ABCC2: variants seen among roughly 807,000 people sequenced by gnomAD.
ABCC2 encodes the protein ATP-binding cassette sub-family C member 2.
ABCC2 carries 157 observed loss-of-function variants against 173.4 expected under a neutral mutation model. The ratio of observed to expected loss-of-function variants is 0.91; its 90% CI spans 0.80 to 1.03. The LOEUF (loss-of-function observed/expected upper bound fraction) is 1.03, where lower values mean the gene tolerates loss of function less well. ABCC2 is among the 50% of genes least tolerant of loss of function. The probability of loss-of-function intolerance (pLI) is 0.00; values close to 1 mark genes in which losing one functional copy is unlikely to be tolerated. For synonymous variants in ABCC2, 657 were observed against 693.5 expected (o/e 0.95, Z 0.83); for missense variants, 1,822 against 1,852.3 (o/e 0.98, Z 0.30).
chr10:99,850,802 T>C lies in ABCC2; in HGVS notation c.4508+6T>C, dbSNP rs766426423. ...ACCATCATGGACAGTGACAAGTGAG[T>C]GTAGGGGGACAGGGCTTGACACGGA... is the stretch of plus-strand genomic sequence containing the variant. On this transcript the variant is annotated splice_donor_region_variant and intron_variant, in intron 31 of 31. Transcript: ENST00000647814. 1.1e-5 allele frequency: 18 copies of C among 1,613,786 alleles called. No individual in the cohort carries two copies. Among genetic ancestry groups the C allele is most frequent in the Middle Eastern group, 3.3e-4 (2 of 6,084 alleles).
chr10:99,789,721 A>G (rs1317178216), intron 2 of ABCC2, among the ~76,000 whole-genome samples: 1 of 148,626 alleles, frequency 6.7e-6, no homozygotes, highest in Non-Finnish European at 1.5e-5. Flanking sequence ...AAAAAAAAAA[A>G]AAAAAGAAAA....
Position 99,836,147 on chromosome 10 carries a change from C to CAGGT in ABCC2, c.3471_3472insAGGT (p.Pro1158ArgfsTer21), listed in dbSNP as rs2038818718. 6.2e-7 allele frequency: 1 copy of CAGGT among 1,614,146 alleles called. No individual in the cohort carries two copies. Among genetic ancestry groups the CAGGT allele is most frequent in the Non-Finnish European group, 8.5e-7 (1 of 1,180,026 alleles). On this transcript the variant is annotated frameshift_variant, in exon 25 of 32. Transcript: ENST00000647814. LOFTEE classifies it high-confidence loss of function. ...GGCGTCTGGACTCTGTCACCAGGTC[C>CAGGT]CCAATCTACTCTCACTTCAGCGAGA...
At chr10:99,806,077 C>CTCTCTGTGTGTGTGTGTGTGTGTG (rs10644836) in intron 11 of ABCC2, among the ~76,000 whole-genome samples, 3 of 148,044 alleles carry the variant, frequency 2.0e-5, no homozygotes, top group African/African-American at 7.6e-5. Context: ...CTCTCTCTGT[C>CTCTCTGTGTGTGTGTGTGTGTGTG]TGTGTGTGTG....
At position 99,804,209 on chromosome 10, in the gene ABCC2, T is replaced by C; in HGVS notation, c.1400T>C (p.Val467Ala). 6.2e-7 allele frequency: 1 copy of C among 1,614,108 alleles called. No individual in the cohort carries two copies. Among genetic ancestry groups the C allele is most frequent in the Non-Finnish European group, 8.5e-7 (1 of 1,180,010 alleles). Residue 467 changes from valine (V) to alanine (A), a missense_variant, in exon 10 of 32, where the codon GTT (valine) becomes GCT (alanine). Transcript: ENST00000647814. ...RELGPSVLAG[V>A]GVMVLVIPIN... Reference sequence around the variant, plus strand: ...TTGGGACCCTCAGTCTTAGCAGGTGTTGGGGTGATGGTGCTTGTAATCCCA... The same window carrying C: ...TTGGGACCCTCAGTCTTAGCAGGTGCTGGGGTGATGGTGCTTGTAATCCCA...
At chr10:99,814,216 T>TGC (rs1491226179) in intron 16 of ABCC2, among the ~76,000 whole-genome samples, 12 of 74,356 alleles carry the variant, frequency 1.6e-4, no homozygotes, top group African/African-American at 4.2e-4. Context: ...CACACATGTG[T>TGC]ATATATACAC....
intron 6 of ABCC2, among the ~76,000 whole-genome samples, chr10:99,795,973 C>G (rs1307768175): frequency 2.0e-5 from 3 of 152,182 alleles, no homozygotes; most frequent in Admixed American, 2.0e-4. Context: ...TCACTGAACT[C>G]CAGCCTGGGC....
chr10:99,851,118 T>G (rs2039083160), intron 31 of ABCC2, among the ~76,000 whole-genome samples: 2 of 152,234 alleles, frequency 1.3e-5, no homozygotes, highest in African/African-American at 4.8e-5. Context: ...GTCCTGAGCC[T>G]CAGCTGCTGC....
chr10:99,800,693 C>A, intron 9 of ABCC2, 130 bp downstream of exon 9: 1 of 1,047,846 alleles, frequency 9.5e-7, no homozygotes, highest in Non-Finnish European at 1.4e-6. Context: ...GGCCATACAG[C>A]CTCCTTTAGA....
intron 1 of ABCC2, among the ~76,000 whole-genome samples, chr10:99,783,332 T>C (rs1173538610): frequency 6.6e-6 from 1 of 152,228 alleles, no homozygotes; most frequent in Non-Finnish European, 1.5e-5. Context: ...GATGCAACTT[T>C]GGGCATCATG....
At chr10:99,842,741 C>T (rs576280006) in intron 26 of ABCC2, among the ~76,000 whole-genome samples, 4 of 152,134 alleles carry the variant, frequency 2.6e-5, no homozygotes, top group Non-Finnish European at 5.9e-5. Context: ...TATAATAGTG[C>T]TGTCTTCATT....
chr10:99,816,029 C>G (rs1473454308), intron 16 of ABCC2, among the ~76,000 whole-genome samples: 1 of 148,018 alleles, frequency 6.8e-6, no homozygotes, highest in Non-Finnish European at 1.5e-5. Flanking sequence ...AGTGCAGTGG[C>G]GTGATCTCGG....
In ABCC2 at chr10:99,832,632, G is replaced by C. The variant is rs78160693; in HGVS notation, c.3258+501G>C. ...ACAGCCTGGGACAGGAAATACAAGA[G>C]ATAGTAGGATAACCCTTTGCTTGGC... On this transcript the variant is annotated intron_variant, in intron 23 of 31. Coordinates refer to ENST00000647814, the MANE Select transcript of ABCC2 (RefSeq NM_000392.5). 5.2e-3 allele frequency among the ~76,000 whole-genome samples: 793 copies of C among 152,336 alleles called. 20 individuals carry two copies. Among genetic ancestry groups the C allele is most frequent in the East Asian group, 0.031 (161 of 5,192 alleles).
chr10:99,784,584 C>A (rs930787393), intron 1 of ABCC2, 24 bp from the exon 2 acceptor site: 7 of 1,613,018 alleles, frequency 4.3e-6, no homozygotes, highest in African/African-American at 1.3e-5. Flanking sequence ...ATGTATGCAA[C>A]AATCCTTCCC....
chr10:99,793,880 T>A lies in ABCC2; in HGVS notation c.469-12T>A. 6.2e-7 allele frequency: 1 copy of A among 1,609,516 alleles called. No individual in the cohort carries two copies. Among genetic ancestry groups the A allele is most frequent in the Admixed American group, 1.7e-5 (1 of 60,006 alleles). On this transcript the variant is annotated splice_polypyrimidine_tract_variant and intron_variant, in intron 4 of 31. Transcript: ENST00000647814. Reference sequence around the variant, plus strand: ...AAAGGCTCATTTTTCCTCTTTGTTTTTTTCCTCATAGGGTGACAATTCTAA... The same window carrying A: ...AAAGGCTCATTTTTCCTCTTTGTTTATTTCCTCATAGGGTGACAATTCTAA...
chr10:99,799,177 G>A (rs1379318432), intron 7 of ABCC2, 30 bp from the exon 8 acceptor site: 1 of 1,613,184 alleles, frequency 6.2e-7, no homozygotes, highest in Non-Finnish European at 8.5e-7. Context: ...ACATAACTCT[G>A]TGGACACTGT....
chr10:99,794,406 C>A lies in ABCC2; in HGVS notation c.577-7C>A. 2 of 1,613,500 alleles carry A rather than the reference C, an allele frequency of 1.2e-6. No individual in the cohort carries two copies. Among genetic ancestry groups the A allele is most frequent in the South Asian group, 1.1e-5 (1 of 91,066 alleles). The stretch of plus-strand genomic sequence containing the variant: ...GGTTTACATTTCGATTTTTTTGTGT[C>A]TTTCAGAATCCATCATCCATAGCTT... On this transcript the variant is annotated splice_polypyrimidine_tract_variant and splice_region_variant and intron_variant, in intron 5 of 31. Transcript: ENST00000647814.
At chr10:99,835,681 C>T (rs1269357385) in intron 24 of ABCC2, among the ~76,000 whole-genome samples, 1 of 152,142 alleles carries the variant, frequency 6.6e-6, no homozygotes, top group Non-Finnish European at 1.5e-5. Flanking sequence ...TCCTGCCCAT[C>T]CCCACTTTAC....
intron 16 of ABCC2, among the ~76,000 whole-genome samples, chr10:99,814,393 G>A (rs539694848): frequency 6.0e-5 from 8 of 134,382 alleles, no homozygotes; most frequent in African/African-American, 8.5e-5. Context: ...ATACATATAT[G>A]GGTATATATA....
chr10:99,794,186 T>C (rs992969800), intron 5 of ABCC2, among the ~76,000 whole-genome samples, 187 bp downstream of exon 5: 1 of 152,168 alleles, frequency 6.6e-6, no homozygotes, highest in African/African-American at 2.4e-5. Context: ...CACCTACCAA[T>C]TGTCAGTGTA....
Sources: gnomAD v4.1 joint callset for allele counts (sites outside exome capture counted in the v4.1 genomes callset) on GRCh38, gnomAD v4.1.1 for gene constraint, MANE v1.5 for transcripts, NCBI Gene and HGNC (gene_info 2026-07-23, HGNC 2026-07-21) for gene names.